MATK: variants seen among roughly 807,000 people sequenced by gnomAD.
MATK encodes the protein megakaryocyte-associated tyrosine kinase, also known as megakaryocyte-associated tyrosine-protein kinase.
A neutral mutation model predicts 59.8 loss-of-function variants in MATK; 41 were observed. The ratio of observed to expected loss-of-function variants is 0.69; its 90% CI spans 0.53 to 0.89. MATK has a LOEUF of 0.89. Ranked by LOEUF, MATK falls within the 40% of genes least tolerant of loss-of-function variation. The probability of loss-of-function intolerance (pLI) is 0.00; values close to 1 mark genes in which losing one functional copy is unlikely to be tolerated. For synonymous variants in MATK, 308 were observed against 306.1 expected, an observed-to-expected ratio of 1.01 and a Z score of -0.06; for missense variants, 593 against 719.6, an observed-to-expected ratio of 0.82 and a Z score of 2.01.
chr19:3,784,553 G>C, intron 3 of MATK, 102 bp from the exon 4 acceptor site: 1 of 788,360 alleles, frequency 1.3e-6, no homozygotes, highest in Non-Finnish European at 2.0e-6. Context: ...AAGGTATAGA[G>C]ATTGGAAAAG....
intron 12 of MATK, 116 bp downstream of exon 12, chr19:3,778,876 G>T: frequency 9.2e-7 from 1 of 1,091,240 alleles, no homozygotes; most frequent in Non-Finnish European, 1.3e-6. Flanking sequence ...AGAGCTTCCT[G>T]GGGAGGCATA....
chr19:3,786,749 CA>C (rs372943335), upstream of MATK, among the ~76,000 whole-genome samples: 49 of 149,622 alleles, frequency 3.3e-4, no homozygotes, highest in Non-Finnish European at 5.1e-4. The surrounding 1 kb of genome is among the most constrained non-coding windows in gnomAD (Gnocchi z 4.1). Context: ...TGGTGGTTGA[CA>C]AAAAAAAAGC....
At chr19:3,797,690 G>T (rs2037608767) in intron 1 of MATK, among the ~76,000 whole-genome samples, 1 of 151,974 alleles carries the variant, frequency 6.6e-6, no homozygotes, top group Non-Finnish European at 1.5e-5. Context: ...TCAGGAGTTT[G>T]AGACCAGCCT....
At chr19:3,795,793 A>G (rs7259576) in intron 1 of MATK, among the ~76,000 whole-genome samples, 82,888 of 133,688 alleles carry the variant, frequency 0.62, 25,124 homozygotes, top group Admixed American at 0.72. Flanking sequence ...ATGGAATCTC[A>G]CTGTTTCGTC....
At position 3,786,358 on chromosome 19, in the gene MATK, G is replaced by C; in HGVS notation, c.-341C>G. 1.0e-6 allele frequency: 1 copy of C among 983,214 alleles called. No individual in the cohort carries two copies. The highest frequency in any genetic ancestry group is 1.2e-6 in the Non-Finnish European group (1 of 828,992). 60.9% of individuals were successfully genotyped at this position (983,214 alleles called of 1,614,324 possible). A position where few individuals can be genotyped will look rare whatever the true frequency, so the allele number is the denominator to read the frequency against. ...AGGCGCCGCGGCCTGGGAGGCCCCC[G>C]CGGGTCCTAGCGCCGGCCGCACTGC... On this transcript the variant is annotated 5_prime_UTR_variant, in exon 1 of 14. Coordinates refer to ENST00000310132, the MANE Select transcript of MATK (RefSeq NM_139355.3). This position sits in a 1 kb window ranked among gnomAD's most constrained non-coding sequence, Gnocchi z 4.1.
intron 1 of MATK, among the ~76,000 whole-genome samples, chr19:3,792,692 AT>A (rs1199845158): frequency 6.6e-6 from 1 of 151,838 alleles, no homozygotes; most frequent in Admixed American, 6.6e-5. Flanking sequence ...TAATTTTTGT[AT>A]TTTTAGTAGA....
intron 8 of MATK, among the ~76,000 whole-genome samples, chr19:3,780,013 G>C (rs1407902556): frequency 6.6e-6 from 1 of 152,226 alleles, no homozygotes. Flanking sequence ...TGGCGCGGTG[G>C]CTCACGCCTG....
upstream of MATK, chr19:3,786,453 C>T (rs2037486649): frequency 5.2e-6 from 5 of 965,508 alleles, no homozygotes; most frequent in Non-Finnish European, 6.1e-6. The surrounding 1 kb of genome is among the most constrained non-coding windows in gnomAD (Gnocchi z 4.1). Context: ...CGGCGCCTCC[C>T]GCGCGCCCCG....
chr19:3,778,208 G>A lies in MATK; in HGVS notation c.1499C>T (p.Thr500Ile), dbSNP rs2037343849. ...SVSGQDADGS[T>I]SPRSQEP ...TCAGGGCTCCTGGCTTCGGGGCGAG[G>A]TGGAGCCGTCGGCGTCCTGCCCTGA... The change falls in exon 14 of 14, where the codon ACC becomes ATC. Residue 500 changes from threonine to isoleucine, a missense_variant. Coordinates refer to ENST00000310132, the MANE Select transcript of MATK (RefSeq NM_139355.3). 3 of 1,568,152 alleles carry A rather than the reference G, an allele frequency of 1.9e-6. No homozygotes were observed. Among genetic ancestry groups the A allele is most frequent in the Non-Finnish European group, 2.6e-6 (3 of 1,166,276 alleles).
At chr19:3,791,845 C>A (rs1455009282) in intron 1 of MATK, among the ~76,000 whole-genome samples, 2 of 152,052 alleles carry the variant, frequency 1.3e-5, no homozygotes, top group Non-Finnish European at 2.9e-5. Context: ...CGGTGGCTCA[C>A]ACCTGTAATC....
intron 1 of MATK, among the ~76,000 whole-genome samples, chr19:3,799,332 G>A (rs945089198): frequency 3.3e-5 from 5 of 152,174 alleles, no homozygotes; most frequent in African/African-American, 1.2e-4. Flanking sequence ...AAAGGGCCAC[G>A]CTGTGACTAG....
intron 4 of MATK, 41 bp from the exon 5 acceptor site, chr19:3,784,280 G>C: frequency 6.3e-7 from 1 of 1,598,070 alleles, no homozygotes; most frequent in Non-Finnish European, 8.6e-7. Context: ...GGGGGTGTGG[G>C]GGTGGTCCTG....
At chr19:3,782,990 G>T (rs1392745223) in intron 7 of MATK, 136 bp downstream of exon 7, 1 of 735,578 alleles carries the variant, frequency 1.4e-6, no homozygotes, top group Non-Finnish European at 2.3e-6. Context: ...GGCAGCCCAG[G>T]TCTTCTATCC....
intron 1 of MATK, among the ~76,000 whole-genome samples, chr19:3,798,844 C>T (rs1449537535): frequency 1.3e-5 from 2 of 150,102 alleles, no homozygotes; most frequent in Non-Finnish European, 3.0e-5. Flanking sequence ...CTCACTCTGT[C>T]GTACAGGATG....
At position 3,778,134 on chromosome 19, in the gene MATK, A is replaced by G; in HGVS notation, c.*49T>C. Reference sequence around the variant, plus strand: ...GGCCTGGTCAGTGCCCCCACGCCGCACTCTCCACTCTCTCGGTCCTCTGGG... The same window carrying G: ...GGCCTGGTCAGTGCCCCCACGCCGCGCTCTCCACTCTCTCGGTCCTCTGGG... On this transcript the variant is annotated 3_prime_UTR_variant, in exon 14 of 14. Transcript: ENST00000310132. 1 of 1,518,752 alleles carries G rather than the reference A, an allele frequency of 6.6e-7. No homozygotes were observed. Among genetic ancestry groups the G allele is most frequent in the Non-Finnish European group, 8.8e-7 (1 of 1,140,398 alleles). 94.1% of individuals were successfully genotyped at this position (1,518,752 alleles called of 1,614,324 possible). A position where few individuals can be genotyped will look rare whatever the true frequency, so the allele number is the denominator to read the frequency against.
chr19:3,801,638 C>G (rs1044267281), exon 1 of MATK: 1 of 152,326 alleles, frequency 6.6e-6, no homozygotes, highest in Non-Finnish European at 1.5e-5. Flanking sequence ...CAGCCCCCTG[C>G]AGCCTGGTGT....
intron 1 of MATK, among the ~76,000 whole-genome samples, chr19:3,799,033 G>A (rs2037620344): frequency 6.7e-6 from 1 of 150,232 alleles, no homozygotes; most frequent in Non-Finnish European, 1.5e-5. Context: ...TCAAACTCCT[G>A]GGCTCAAGTG....
chr19:3,795,108 G>C (rs1160205316), intron 1 of MATK, among the ~76,000 whole-genome samples: 1 of 149,870 alleles, frequency 6.7e-6, no homozygotes, highest in African/African-American at 2.5e-5. Flanking sequence ...CTCCCATGTA[G>C]CTGGGACTAC....
chr19:3,785,038 A>C, intron 2 of MATK, 26 bp downstream of exon 2: 1 of 1,607,554 alleles, frequency 6.2e-7, no homozygotes. Flanking sequence ...TGGCTCCCCA[A>C]GCCCCTGTGG....
Sources: allele counts gnomAD v4.1 joint callset (sites outside exome capture counted in the v4.1 genomes callset), GRCh38; gene constraint gnomAD v4.1.1; non-coding constraint Gnocchi (gnomAD v3.1); transcripts MANE v1.5; gene names NCBI Gene and HGNC (gene_info 2026-07-23, HGNC 2026-07-21).